MCMBP: variants seen among roughly 807,000 people sequenced by gnomAD.
The protein encoded by MCMBP is mini-chromosome maintenance complex-binding protein.
In MCMBP, 31 loss-of-function variants were observed where a neutral mutation model predicts 81.3. The ratio of observed to expected loss-of-function variants is 0.38; its 90% CI spans 0.29 to 0.51. The LOEUF (loss-of-function observed/expected upper bound fraction) is 0.51, where lower values mean the gene tolerates loss of function less well. MCMBP is among the 20% of genes least tolerant of loss of function. MCMBP has a pLI of 0.87. For missense variants in MCMBP, 645 were observed against 772.1 expected, an observed-to-expected ratio of 0.84 and a Z score of 1.95; for synonymous variants, 267 against 275.9, an observed-to-expected ratio of 0.97 and a Z score of 0.32.
chr10:119,844,061 C>T (rs560364832), intron 8 of MCMBP, among the ~76,000 whole-genome samples: 11 of 152,272 alleles, frequency 7.2e-5, no homozygotes, highest in African/African-American at 1.7e-4. Context: ...AACTATTGGC[C>T]GGGACATCGA....
chr10:119,865,767 T>G (rs1198160247), intron 1 of MCMBP, among the ~76,000 whole-genome samples: 1 of 151,976 alleles, frequency 6.6e-6, no homozygotes, highest in East Asian at 1.9e-4. Flanking sequence ...CAATGGAATG[T>G]TATTTTCAGC....
At chr10:119,864,960 A>T (rs1853400828) in intron 1 of MCMBP, among the ~76,000 whole-genome samples, 1 of 152,206 alleles carries the variant, frequency 6.6e-6, no homozygotes, top group Non-Finnish European at 1.5e-5. Context: ...TATCTTGGTG[A>T]ATTTACATGT....
chr10:119,871,918 A>G (rs1053751857), intron 1 of MCMBP, among the ~76,000 whole-genome samples: 2 of 152,216 alleles, frequency 1.3e-5, no homozygotes, highest in Non-Finnish European at 2.9e-5. Flanking sequence ...AAGTAGCTCA[A>G]TATTTCTTGC....
chr10:119,837,788 A>T (rs1482801236), intron 12 of MCMBP, among the ~76,000 whole-genome samples: 1 of 149,840 alleles, frequency 6.7e-6, no homozygotes, highest in Non-Finnish European at 1.5e-5. Context: ...GTCTCAAAAC[A>T]AAAAAAAAAT....
intron 8 of MCMBP, 151 bp downstream of exon 8, chr10:119,847,462 G>A: frequency 2.1e-6 from 1 of 476,804 alleles, no homozygotes; most frequent in Non-Finnish European, 3.7e-6. Flanking sequence ...GAGCACAAAT[G>A]AATGACAAAA....
At chr10:119,868,413 A>G (rs1416584939) in intron 1 of MCMBP, among the ~76,000 whole-genome samples, 2 of 152,230 alleles carry the variant, frequency 1.3e-5, no homozygotes, top group Non-Finnish European at 2.9e-5. Context: ...GCAACAGAGC[A>G]AGACACTGAC....
At chr10:119,867,434 T>C (rs1308349947) in intron 1 of MCMBP, among the ~76,000 whole-genome samples, 1 of 151,718 alleles carries the variant, frequency 6.6e-6, no homozygotes, top group Non-Finnish European at 1.5e-5. Context: ...ACGTATGCCA[T>C]CTGCCATGGC....
rs767506671 is a variant in MCMBP at position 119,853,135 on chromosome 10, G to C, written c.489C>G (p.Arg163=). 6 of 1,614,170 alleles carry C rather than the reference G, an allele frequency of 3.7e-6. No homozygotes were observed. The South Asian group carries it at 5.5e-5, about 15-fold the overall frequency. ...VSPSTSYTPS[R]HKRSYEDDDD... The stretch of plus-strand genomic sequence containing the variant: ...CATCATCTTCATAACTCCTCTTGTG[G>C]CGACTAGGAGTGTAGGATGTTGAGG... The change falls in exon 6 of 16, where the codon CGC becomes CGG. Residue 163 remains arginine, a synonymous_variant. Coordinates refer to ENST00000369077, the MANE Select transcript of MCMBP (RefSeq NM_001256378.2).
At chr10:119,858,702 A>C (rs1224947058) in intron 4 of MCMBP, among the ~76,000 whole-genome samples, 182 bp downstream of exon 4, 1 of 152,162 alleles carries the variant, frequency 6.6e-6, no homozygotes, top group East Asian at 1.9e-4. Flanking sequence ...CCTTCAAAAG[A>C]TCTTTAGAGG....
intron 4 of MCMBP, chr10:119,857,711 T>A (rs1022928366): frequency 4.2e-6 from 1 of 236,512 alleles, no homozygotes; most frequent in Non-Finnish European, 8.2e-6. Context: ...GCTTTGTGGA[T>A]CTAGAACCTT....
chr10:119,841,254 C>A (rs925161578), intron 10 of MCMBP, among the ~76,000 whole-genome samples: 17 of 152,138 alleles, frequency 1.1e-4, no homozygotes, highest in African/African-American at 4.1e-4. Context: ...ATCCGAGGCA[C>A]AGAGATGATA....
At chr10:119,837,071 C>A in intron 12 of MCMBP, 42 bp from the exon 13 acceptor site, 1 of 1,590,712 alleles carries the variant, frequency 6.3e-7, no homozygotes, top group South Asian at 1.1e-5. Flanking sequence ...TGACTTTAAT[C>A]ATCTAAACAC....
At chr10:119,842,956 T>C (rs547125832) in intron 9 of MCMBP, 16 of 385,696 alleles carry the variant, frequency 4.1e-5, no homozygotes, top group African/African-American at 2.3e-4. Flanking sequence ...TTTCACTATA[T>C]TGGCCAGGCT....
intron 14 of MCMBP, among the ~76,000 whole-genome samples, chr10:119,835,311 C>T (rs887234529): frequency 6.6e-6 from 1 of 152,050 alleles, no homozygotes; most frequent in Non-Finnish European, 1.5e-5. Flanking sequence ...GTTTATCCCC[C>T]AAAGACAACT....
intron 14 of MCMBP, 84 bp downstream of exon 14, chr10:119,835,456 C>A: frequency 1.7e-6 from 2 of 1,188,684 alleles, no homozygotes; most frequent in African/African-American, 1.6e-5. Context: ...AACAAAATTA[C>A]CTTATCAGTA....
intron 5 of MCMBP, among the ~76,000 whole-genome samples, chr10:119,856,085 G>A (rs1049036429): frequency 5.9e-5 from 9 of 152,146 alleles, no homozygotes; most frequent in Admixed American, 1.3e-4. Flanking sequence ...TGGCGGGCAT[G>A]GTGGCGTGTG....
At chr10:119,837,823 C>A (rs1031656590) in intron 12 of MCMBP, among the ~76,000 whole-genome samples, 1 of 152,032 alleles carries the variant, frequency 6.6e-6, no homozygotes, top group Admixed American at 6.6e-5. Flanking sequence ...TCTACACTTC[C>A]CTTTTGAGGT....
At chr10:119,862,485 A>G (rs1291022911) in intron 1 of MCMBP, among the ~76,000 whole-genome samples, 1 of 152,236 alleles carries the variant, frequency 6.6e-6, no homozygotes, top group Non-Finnish European at 1.5e-5. Flanking sequence ...ATCTTCAAGC[A>G]TATGGGTGGT....
chr10:119,858,128 C>G (rs547491833), intron 4 of MCMBP: 1 of 152,180 alleles, frequency 6.6e-6, no homozygotes, highest in South Asian at 2.1e-4. Flanking sequence ...ACACATTAGG[C>G]TAATATATTA....
Sources: allele counts gnomAD v4.1 joint callset (sites outside exome capture counted in the v4.1 genomes callset), GRCh38; gene constraint gnomAD v4.1.1; transcripts MANE v1.5; gene names NCBI Gene and HGNC (gene_info 2026-07-23, HGNC 2026-07-21).